PTPRD: variants seen among roughly 807,000 people sequenced by gnomAD.
The protein encoded by PTPRD is protein tyrosine phosphatase receptor type D, also known as receptor-type tyrosine-protein phosphatase delta.
In PTPRD, 34 loss-of-function variants were observed where a neutral mutation model predicts 214.5. The observed-to-expected ratio is 0.16, with a 90% CI of 0.12 to 0.21. The LOEUF (loss-of-function observed/expected upper bound fraction) is 0.21. Among genes scored for constraint, PTPRD ranks in the 10% least tolerant of loss-of-function variants. The probability of loss-of-function intolerance (pLI) is 1.00; values close to 1 mark genes in which losing one functional copy is unlikely to be tolerated. For missense variants in PTPRD, 2,545 were observed against 2,398.7 expected (o/e 1.06, Z -1.27); for synonymous variants, 1,128 against 845.7 (o/e 1.33, Z -5.79).
intron 7 of PTPRD, among the ~76,000 whole-genome samples, chr9:9,595,980 A>C (rs996963565): frequency 6.6e-6 from 1 of 151,978 alleles, no homozygotes; most frequent in African/African-American, 2.4e-5. Context: ...AAATATTCCT[A>C]TTAGTATCCA....
At chr9:9,227,449 G>C (rs1212875284) in intron 9 of PTPRD, among the ~76,000 whole-genome samples, 1 of 152,006 alleles carries the variant, frequency 6.6e-6, no homozygotes, top group Non-Finnish European at 1.5e-5. Context: ...CTACTGTTTT[G>C]GCATTTTACT....
At chr9:9,757,579 T>A (rs1462310336) in intron 6 of PTPRD, among the ~76,000 whole-genome samples, 1 of 145,104 alleles carries the variant, frequency 6.9e-6, no homozygotes, top group African/African-American at 2.7e-5. Context: ...ATCTCTTATT[T>A]GATCAAAATA....
chr9:10,443,356 C>T (rs1588281934), intron 2 of PTPRD, among the ~76,000 whole-genome samples: 1 of 151,586 alleles, frequency 6.6e-6, no homozygotes, highest in African/African-American at 2.4e-5. Flanking sequence ...GGTAGTAAAT[C>T]TTCCAAACTA....
chr9:9,707,739 G>A (rs751707358), intron 7 of PTPRD, among the ~76,000 whole-genome samples: 3 of 151,942 alleles, frequency 2.0e-5, no homozygotes, highest in Admixed American at 6.6e-5. Flanking sequence ...CATCATGTAC[G>A]TTTATCTTAT....
intron 9 of PTPRD, among the ~76,000 whole-genome samples, chr9:9,336,377 T>C (rs1488740057): frequency 1.3e-5 from 2 of 151,954 alleles, no homozygotes; most frequent in East Asian, 3.9e-4. Context: ...AACTTTTGGG[T>C]TCCTAAATAG....
At chr9:9,123,023 G>GT (rs1319843498) in intron 10 of PTPRD, among the ~76,000 whole-genome samples, 5 of 152,174 alleles carry the variant, frequency 3.3e-5, no homozygotes, top group African/African-American at 9.7e-5. Context: ...TGTTGTTGTT[G>GT]TTGTTTGTTT....
chr9:9,797,740 G>GT (rs1555106194), intron 5 of PTPRD, among the ~76,000 whole-genome samples: 2 of 151,938 alleles, frequency 1.3e-5, no homozygotes, highest in Non-Finnish European at 2.9e-5. Context: ...CAGCTACTCG[G>GT]GGGGGGCTGA....
intron 11 of PTPRD, among the ~76,000 whole-genome samples, chr9:8,892,517 A>G (rs1055545077): frequency 7.3e-5 from 11 of 151,132 alleles, no homozygotes; most frequent in African/African-American, 2.7e-4. Flanking sequence ...AGTTGAATAT[A>G]TATATATGTG....
intron 14 of PTPRD, among the ~76,000 whole-genome samples, chr9:8,555,911 A>C (rs1424301466): frequency 6.6e-6 from 1 of 152,194 alleles, no homozygotes; most frequent in African/African-American, 2.4e-5. Flanking sequence ...CCCTTGGGGA[A>C]GCATGGGAGT....
intron 2 of PTPRD, among the ~76,000 whole-genome samples, chr9:10,403,738 C>A (rs1388166063): frequency 1.3e-5 from 2 of 151,522 alleles, no homozygotes; most frequent in African/African-American, 4.8e-5. Context: ...TAAGTGAAAG[C>A]CAATACAAAA....
At chr9:10,094,284 G>A (rs1368045408) in intron 3 of PTPRD, among the ~76,000 whole-genome samples, 1 of 150,908 alleles carries the variant, frequency 6.6e-6, no homozygotes. Context: ...GACCTATTAT[G>A]ATGGCTTTAA....
At chr9:10,167,457 A>G (rs1222166375) in intron 3 of PTPRD, among the ~76,000 whole-genome samples, 1 of 152,178 alleles carries the variant, frequency 6.6e-6, no homozygotes, top group Non-Finnish European at 1.5e-5. Flanking sequence ...CCATATATGT[A>G]TTACAAAGTA....
chr9:9,433,647 G>A (rs1338479329), intron 8 of PTPRD, among the ~76,000 whole-genome samples: 1 of 152,116 alleles, frequency 6.6e-6, no homozygotes, highest in African/African-American at 2.4e-5. Context: ...TGAAGCAACA[G>A]TCACAATGAT....
At chr9:8,581,797 A>T (rs192176109) in intron 14 of PTPRD, among the ~76,000 whole-genome samples, 12 of 133,394 alleles carry the variant, frequency 9.0e-5, no homozygotes, top group African/African-American at 3.4e-4. Context: ...AGGGGAGGAG[A>T]GGTGAGGGGA....
At chr9:9,286,561 T>A (rs936951079) in intron 9 of PTPRD, among the ~76,000 whole-genome samples, 4 of 151,678 alleles carry the variant, frequency 2.6e-5, no homozygotes, top group African/African-American at 4.8e-5. Flanking sequence ...CTAATTACTT[T>A]TTCCCTTAAA....
rs116116882 is a variant in PTPRD, at chr9:10,185,844, C to T, written c.-544-152054G>A. Among the ~76,000 whole-genome samples, 1,022 of 151,910 alleles carry T rather than the reference C, an allele frequency of 6.7e-3. 9 individuals carry two copies. The highest frequency in any genetic ancestry group is 0.024 in the African/African-American group (984 of 41,434). ...CATAACATTCTATCATAATATGATG[C>T]AGGAGTAGATAATAAAACCTGCCAT... is the stretch of plus-strand genomic sequence containing the variant. On this transcript the variant is annotated intron_variant, in intron 3 of 45. Coordinates refer to ENST00000381196, the MANE Select transcript of PTPRD (RefSeq NM_002839.4).
intron 9 of PTPRD, among the ~76,000 whole-genome samples, chr9:9,186,751 T>C (rs946493339): frequency 1.3e-5 from 2 of 151,890 alleles, no homozygotes; most frequent in Non-Finnish European, 2.9e-5. Context: ...ACTTTGGTCA[T>C]AACCCAGTTT....
intron 39 of PTPRD, among the ~76,000 whole-genome samples, chr9:8,352,869 T>C (rs1023927810): frequency 2.0e-5 from 3 of 152,106 alleles, no homozygotes; most frequent in African/African-American, 7.2e-5. Flanking sequence ...TCCCAGCGCT[T>C]TGGGAGGCTG....
intron 3 of PTPRD, among the ~76,000 whole-genome samples, chr9:10,159,687 T>C (rs188798701): frequency 9.4e-4 from 143 of 151,766 alleles, no homozygotes; most frequent in African/African-American, 3.2e-3. Flanking sequence ...AACAGAAATC[T>C]TGGAAGTGAG....
Sources: gnomAD v4.1 joint callset for allele counts (sites outside exome capture counted in the v4.1 genomes callset) on GRCh38, gnomAD v4.1.1 for gene constraint, MANE v1.5 for transcripts, NCBI Gene and HGNC (gene_info 2026-07-23, HGNC 2026-07-21) for gene names.